The following BLTP1 variants were observed in gnomAD, a reference collection of about 807,000 sequenced individuals.
BLTP1 encodes the protein fragile site-associated protein.
chr4:122,260,017 T>C, the BLTP1 span: 1 of 580,398 alleles, frequency 1.7e-6, no homozygotes, highest in African/African-American at 2.1e-5. Flanking sequence ...GGATGATGCA[T>C]TCTGAGAAAT....
chr4:122,362,266 G>C, the BLTP1 span: 14 of 1,592,682 alleles, frequency 8.8e-6, no homozygotes, highest in Non-Finnish European at 1.2e-5. Context: ...TTTGATCTGT[G>C]AACAAATTAT....
chr4:122,354,393 TAAAGTTCG>T, the BLTP1 span, among the ~76,000 whole-genome samples: 1 of 151,952 alleles, frequency 6.6e-6, no homozygotes, highest in Non-Finnish European at 1.5e-5. Context: ...ACCACAAACT[TAAAGTTCG>T]AATAGCTAGA....
chr4:122,232,002 C>T, the BLTP1 span: 4 of 919,772 alleles, frequency 4.3e-6, no homozygotes, highest in Non-Finnish European at 5.2e-6. Context: ...GTGCAGGAAG[C>T]CACTTAGTGT....
chr4:122,261,720 ACTTTT>A, the BLTP1 span: 1 of 983,360 alleles, frequency 1.0e-6, no homozygotes, highest in African/African-American at 1.7e-5. Flanking sequence ...TATGTAAGGG[ACTTTT>A]CTTCATCCTT....
At chr4:122,252,443 G>A in the BLTP1 span, among the ~76,000 whole-genome samples, 1 of 152,066 alleles carries the variant, frequency 6.6e-6, no homozygotes, top group African/African-American at 2.4e-5. Flanking sequence ...TGAGTTTCAG[G>A]CCTGGCAGCA....
At chr4:122,282,880 G>T in the BLTP1 span, among the ~76,000 whole-genome samples, 1 of 151,618 alleles carries the variant, frequency 6.6e-6, no homozygotes, top group Non-Finnish European at 1.5e-5. Context: ...CCAGTTGATG[G>T]TTCTTTTTTT....
chr4:122,231,986 T>C, the BLTP1 span: 5 of 859,118 alleles, frequency 5.8e-6, no homozygotes, highest in African/African-American at 7.3e-5. Context: ...TTCTTTGTTA[T>C]ATGTTGTGCA....
chr4:122,183,632 T>C, the BLTP1 span: 6 of 426,280 alleles, frequency 1.4e-5, no homozygotes, highest in Non-Finnish European at 1.9e-5. Context: ...GCTTTGACTC[T>C]ACAAGTTACA....
the BLTP1 span, among the ~76,000 whole-genome samples, chr4:122,332,488 C>G: frequency 6.6e-6 from 1 of 151,926 alleles, no homozygotes; most frequent in Admixed American, 6.6e-5. Context: ...GGTAACTGCC[C>G]TGTATAGTTA....
the BLTP1 span, chr4:122,199,208 C>A: frequency 1.0e-6 from 1 of 974,388 alleles, no homozygotes; most frequent in Non-Finnish European, 1.4e-6. Flanking sequence ...ATTAAGTTAG[C>A]AAGCTCCCTG....
chr4:122,264,553 C>A, the BLTP1 span: 3 of 749,018 alleles, frequency 4.0e-6, no homozygotes, highest in Non-Finnish European at 5.7e-6. Context: ...TGCCTACAGC[C>A]TTCATGCAAA....
the BLTP1 span, chr4:122,325,564 C>T: frequency 1.7e-6 from 2 of 1,183,902 alleles, no homozygotes; most frequent in South Asian, 2.3e-5. Flanking sequence ...TAACTGCTTT[C>T]TCTTAAGTAG....
At chr4:122,285,478 C>G in the BLTP1 span, among the ~76,000 whole-genome samples, 1 of 152,030 alleles carries the variant, frequency 6.6e-6, no homozygotes. Context: ...GAGAGGAGAT[C>G]AGGGCAGTCA....
At chr4:122,187,373 T>C in the BLTP1 span, 1 of 1,599,364 alleles carries the variant, frequency 6.3e-7, no homozygotes, top group East Asian at 2.2e-5. Context: ...GGAAGTGAAC[T>C]ATGTCCTCAG....
At chr4:122,266,665 A>G in the BLTP1 span, 4 of 868,088 alleles carry the variant, frequency 4.6e-6, no homozygotes, top group South Asian at 8.1e-5. Context: ...TCACACTATG[A>G]TAATAATAAT....
chr4:122,339,101 TAA>T, the BLTP1 span: 1 of 1,306,298 alleles, frequency 7.7e-7, no homozygotes, highest in Non-Finnish European at 1.0e-6. Context: ...TCTTTCTGTT[TAA>T]AAAAAATGTT....
the BLTP1 span, chr4:122,207,579 T>G: frequency 4.3e-6 from 7 of 1,611,232 alleles, no homozygotes; most frequent in South Asian, 7.7e-5. Flanking sequence ...AAACATTGAT[T>G]TTTCTTTGCC....
At chr4:122,313,565 G>C in the BLTP1 span, 1 of 1,301,006 alleles carries the variant, frequency 7.7e-7, no homozygotes, top group Non-Finnish European at 1.1e-6. Context: ...AAATTAAAGA[G>C]TACAATATAT....
the BLTP1 span, chr4:122,154,551 A>G: frequency 1.1e-6 from 1 of 892,206 alleles, no homozygotes; most frequent in Non-Finnish European, 1.3e-6. Flanking sequence ...TCTTTAATCT[A>G]CCTATGTTTG....
Sources: allele counts gnomAD v4.1 joint callset (sites outside exome capture counted in the v4.1 genomes callset), GRCh38; gene constraint gnomAD v4.1.1; transcripts MANE v1.5; gene names NCBI Gene and HGNC (gene_info 2026-07-23, HGNC 2026-07-21).